The following ABTB3 variants were observed in gnomAD, a reference collection of about 807,000 sequenced individuals.
ABTB3 encodes the protein ankyrin repeat- and BTB/POZ domain-containing protein 3.
chr12:107,609,798 T>C, the ABTB3 span, among the ~76,000 whole-genome samples: 1 of 152,236 alleles, frequency 6.6e-6, no homozygotes, highest in Non-Finnish European at 1.5e-5. Context: ...CTGTGTAGCC[T>C]TGGGCAGGGC....
the ABTB3 span, among the ~76,000 whole-genome samples, chr12:107,630,285 AGAATGAATGAAT>A: frequency 2.6e-5 from 4 of 152,154 alleles, no homozygotes; most frequent in African/African-American, 9.7e-5. Flanking sequence ...AAATATTTGG[AGAATGAATGAAT>A]GAATGAATGA....
At chr12:107,320,161 T>C in the ABTB3 span, 1 of 1,338,826 alleles carries the variant, frequency 7.5e-7, no homozygotes, top group Non-Finnish European at 9.7e-7. Flanking sequence ...CTCCCGCGTC[T>C]TCCCAGCCAC....
chr12:107,382,747 C>T, the ABTB3 span, among the ~76,000 whole-genome samples: 1 of 133,944 alleles, frequency 7.5e-6, no homozygotes, highest in Non-Finnish European at 1.7e-5. Flanking sequence ...ACATCACACA[C>T]TGGGGCCTGT....
the ABTB3 span, among the ~76,000 whole-genome samples, chr12:107,322,406 G>A: frequency 1.3e-5 from 2 of 152,174 alleles, no homozygotes; most frequent in African/African-American, 4.8e-5. Flanking sequence ...ATGCAGAAGA[G>A]TTAAAGAATG....
At chr12:107,340,028 G>A in the ABTB3 span, among the ~76,000 whole-genome samples, 1 of 151,480 alleles carries the variant, frequency 6.6e-6, no homozygotes, top group East Asian at 1.9e-4. Flanking sequence ...ATATCCTCAG[G>A]AATTCTTCCA....
the ABTB3 span, among the ~76,000 whole-genome samples, chr12:107,452,769 AG>A: frequency 6.6e-6 from 1 of 152,136 alleles, no homozygotes; most frequent in Non-Finnish European, 1.5e-5. Context: ...CGAACCCGGG[AG>A]GTGGAGGTTG....
At chr12:107,388,122 G>T in the ABTB3 span, among the ~76,000 whole-genome samples, 1,065 of 151,710 alleles carry the variant, frequency 7.0e-3, 15 homozygotes, top group African/African-American at 0.021. Flanking sequence ...ATAGGCTCCC[G>T]CCACCACACC....
the ABTB3 span, among the ~76,000 whole-genome samples, chr12:107,434,878 A>C: frequency 6.6e-6 from 1 of 152,098 alleles, no homozygotes; most frequent in Admixed American, 6.5e-5. Context: ...GGAAAAAAAA[A>C]AAACAACAAC....
chr12:107,534,426 G>A, the ABTB3 span, among the ~76,000 whole-genome samples: 4 of 151,492 alleles, frequency 2.6e-5, no homozygotes, highest in African/African-American at 9.7e-5. Context: ...CAAAATTAGG[G>A]GAAGGAAAGA....
At chr12:107,591,003 C>T in the ABTB3 span, among the ~76,000 whole-genome samples, 1 of 152,308 alleles carries the variant, frequency 6.6e-6, no homozygotes, top group Non-Finnish European at 1.5e-5. Flanking sequence ...GTACTTACTA[C>T]AAAGTCATGT....
the ABTB3 span, among the ~76,000 whole-genome samples, chr12:107,575,972 T>C: frequency 6.6e-6 from 1 of 152,218 alleles, no homozygotes; most frequent in Non-Finnish European, 1.5e-5. Flanking sequence ...AAATATCTTG[T>C]TCAAGCTCCC....
At chr12:107,539,109 C>A in the ABTB3 span, among the ~76,000 whole-genome samples, 3 of 152,328 alleles carry the variant, frequency 2.0e-5, no homozygotes, top group African/African-American at 7.2e-5. Context: ...ATAATGCTCA[C>A]CTTGTGTGGC....
chr12:107,579,642 C>T, the ABTB3 span, among the ~76,000 whole-genome samples: 2 of 152,232 alleles, frequency 1.3e-5, no homozygotes, highest in African/African-American at 4.8e-5. Flanking sequence ...CTGCATTTCT[C>T]AAGGGGGCTG....
At chr12:107,554,001 A>C in the ABTB3 span, among the ~76,000 whole-genome samples, 1 of 152,196 alleles carries the variant, frequency 6.6e-6, no homozygotes, top group African/African-American at 2.4e-5. Flanking sequence ...GGGAGGTAAG[A>C]GACCAGAACT....
the ABTB3 span, chr12:107,319,869 G>A: frequency 8.0e-7 from 1 of 1,249,956 alleles, no homozygotes; most frequent in African/African-American, 1.6e-5. Flanking sequence ...GCCAGCGGGG[G>A]CAGCAGCTGT....
chr12:107,607,614 A>T, the ABTB3 span, among the ~76,000 whole-genome samples: 1 of 152,186 alleles, frequency 6.6e-6, no homozygotes, highest in Non-Finnish European at 1.5e-5. Context: ...GTCCTGAGAC[A>T]GGTGTGCAGA....
chr12:107,440,094 C>A, the ABTB3 span, among the ~76,000 whole-genome samples: 1 of 152,230 alleles, frequency 6.6e-6, no homozygotes, highest in African/African-American at 2.4e-5. Context: ...CCCCCCGCCG[C>A]TCCTTACAAT....
At chr12:107,587,636 A>C in the ABTB3 span, among the ~76,000 whole-genome samples, 1 of 152,184 alleles carries the variant, frequency 6.6e-6, no homozygotes, top group Non-Finnish European at 1.5e-5. Context: ...TAAAGTGATA[A>C]ATTTGATGTT....
chr12:107,326,569 T>C, the ABTB3 span, among the ~76,000 whole-genome samples: 3 of 152,192 alleles, frequency 2.0e-5, no homozygotes, highest in South Asian at 2.1e-4. Flanking sequence ...CTTCTTCCTA[T>C]GCACAAAACA....
Sources: allele counts gnomAD v4.1 joint callset (sites outside exome capture counted in the v4.1 genomes callset), GRCh38; gene constraint gnomAD v4.1.1; transcripts MANE v1.5; gene names NCBI Gene and HGNC (gene_info 2026-07-23, HGNC 2026-07-21).